Variants in GALNTL6 observed in about 807,000 individuals in gnomAD.
The protein encoded by GALNTL6 is polypeptide N-acetylgalactosaminyltransferase-like 6.
GALNTL6 carries 46 observed loss-of-function variants against 73.7 expected under a neutral mutation model. The observed-to-expected ratio is 0.62, with a 90% CI of 0.49 to 0.80. The LOEUF (loss-of-function observed/expected upper bound fraction) is 0.80. Ranked by LOEUF, GALNTL6 falls within the 30% of genes least tolerant of loss-of-function variation. The pLI is 0.00. For missense variants in GALNTL6, 604 were observed against 755.0 expected (o/e 0.80, Z 2.34); for synonymous variants, 259 against 263.7 (o/e 0.98, Z 0.17).
chr4:171,948,380 T>C (rs1470939951), intron 2 of GALNTL6, among the ~76,000 whole-genome samples: 1 of 152,202 alleles, frequency 6.6e-6, no homozygotes, highest in African/African-American at 2.4e-5. Flanking sequence ...AATTTAGATA[T>C]GCCAGTGGCT....
chr4:172,096,108 G>GTGTGTGTGTGTA (rs1732348129), intron 2 of GALNTL6, among the ~76,000 whole-genome samples: 1 of 151,072 alleles, frequency 6.6e-6, no homozygotes. Context: ...GTGTGTGTGT[G>GTGTGTGTGTGTA]TATGTGTGTT....
chr4:172,747,581 A>G (rs1737179464), intron 5 of GALNTL6, among the ~76,000 whole-genome samples: 1 of 152,156 alleles, frequency 6.6e-6, no homozygotes, highest in South Asian at 2.1e-4. Flanking sequence ...GTAAATTAGT[A>G]TAGTCATTTT....
intron 9 of GALNTL6, among the ~76,000 whole-genome samples, chr4:172,947,561 CTCTT>C (rs370286300): frequency 5.3e-4 from 76 of 144,582 alleles, no homozygotes; most frequent in African/African-American, 1.5e-3. Flanking sequence ...TCATGCTTGA[CTCTT>C]TCTTTCCCCT....
chr4:172,821,857 G>A (rs1311084705), intron 7 of GALNTL6, among the ~76,000 whole-genome samples: 1 of 152,092 alleles, frequency 6.6e-6, no homozygotes, highest in African/African-American at 2.4e-5. Flanking sequence ...AGTATAACAT[G>A]GGCAGAGATG....
intron 2 of GALNTL6, among the ~76,000 whole-genome samples, chr4:171,891,596 C>T (rs751322655): frequency 2.6e-5 from 4 of 152,066 alleles, no homozygotes; most frequent in Non-Finnish European, 5.9e-5. Context: ...CAAAGTCTTT[C>T]GACCATCAGT....
chr4:172,267,272 T>C (rs1168253442), intron 3 of GALNTL6, among the ~76,000 whole-genome samples: 1 of 152,110 alleles, frequency 6.6e-6, no homozygotes, highest in African/African-American at 2.4e-5. Flanking sequence ...AAAGGATTCT[T>C]CTAGGAAGTA....
intron 5 of GALNTL6, among the ~76,000 whole-genome samples, chr4:172,471,999 A>C (rs994856853): frequency 2.0e-5 from 3 of 152,226 alleles, no homozygotes; most frequent in African/African-American, 7.2e-5. Context: ...TCAGATAAGG[A>C]TAAAGAAATT....
intron 5 of GALNTL6, among the ~76,000 whole-genome samples, chr4:172,503,551 T>TATATATATATAC: frequency 2.1e-5 from 1 of 48,502 alleles, no homozygotes; most frequent in East Asian, 7.3e-4. Context: ...TATATATATG[T>TATATATATATAC]ATTAGTTTTT....
chr4:172,781,523 G>A (rs1739368370), intron 5 of GALNTL6, among the ~76,000 whole-genome samples: 1 of 152,018 alleles, frequency 6.6e-6, no homozygotes, highest in Non-Finnish European at 1.5e-5. Context: ...CATATTGATG[G>A]GTTGACATGT....
chr4:172,768,598 A>T (rs1738578791), intron 5 of GALNTL6, among the ~76,000 whole-genome samples: 1 of 152,222 alleles, frequency 6.6e-6, no homozygotes, highest in African/African-American at 2.4e-5. Flanking sequence ...AAAGGGTAGA[A>T]TATTTATAAA....
intron 3 of GALNTL6, among the ~76,000 whole-genome samples, chr4:172,286,177 TTGTC>T (rs2111089377): frequency 6.6e-6 from 1 of 152,328 alleles, no homozygotes; most frequent in Non-Finnish European, 1.5e-5. Flanking sequence ...TCTTGCTAGT[TTGTC>T]TGATAAAATA....
At chr4:172,221,991 T>A (rs1399844329) in intron 2 of GALNTL6, among the ~76,000 whole-genome samples, 4 of 151,872 alleles carry the variant, frequency 2.6e-5, no homozygotes, top group African/African-American at 9.7e-5. Context: ...GGTTTCTTAC[T>A]AACAGAAGCT....
chr4:172,609,566 G>A (rs1320863335), intron 5 of GALNTL6, among the ~76,000 whole-genome samples: 1 of 150,346 alleles, frequency 6.7e-6, no homozygotes, highest in Non-Finnish European at 1.5e-5. Context: ...GAGGATTTTT[G>A]CCTGGATGTT....
intron 5 of GALNTL6, among the ~76,000 whole-genome samples, chr4:172,772,253 C>T (rs1970808): frequency 0.48 from 72,564 of 151,628 alleles, 18,140 homozygotes; most frequent in African/African-American, 0.63. Flanking sequence ...CAAACCATAT[C>T]ACCATTTATG....
chr4:172,646,636 T>C (rs890097900), intron 5 of GALNTL6, among the ~76,000 whole-genome samples: 18 of 152,146 alleles, frequency 1.2e-4, no homozygotes, highest in African/African-American at 4.3e-4. Flanking sequence ...TTTACTACAT[T>C]TACACTAATC....
chr4:172,952,482 T>C (rs1007919825), intron 10 of GALNTL6, among the ~76,000 whole-genome samples: 6 of 152,162 alleles, frequency 3.9e-5, no homozygotes, highest in African/African-American at 9.6e-5. Flanking sequence ...CCACTGTTGA[T>C]TCCCCAGATG....
intron 5 of GALNTL6, among the ~76,000 whole-genome samples, chr4:172,606,479 C>CA (rs142221339): frequency 1.1e-3 from 146 of 132,880 alleles, no homozygotes; most frequent in Non-Finnish European, 1.8e-3. Flanking sequence ...ACAAAGAAAA[C>CA]AAAAAAAAAT....
intron 5 of GALNTL6, among the ~76,000 whole-genome samples, chr4:172,577,565 C>T (rs1020251097): frequency 5.3e-5 from 8 of 152,010 alleles, no homozygotes; most frequent in Non-Finnish European, 1.2e-4. Context: ...CACTGTATAC[C>T]ACCTCAGAGC....
intron 2 of GALNTL6, among the ~76,000 whole-genome samples, chr4:172,005,188 G>A (rs149051754): frequency 1.9e-4 from 29 of 151,890 alleles, no homozygotes; most frequent in South Asian, 1.2e-3. Flanking sequence ...GCAATGGCGC[G>A]ATCTTGGCTC....
Sources: allele counts gnomAD v4.1 joint callset (sites outside exome capture counted in the v4.1 genomes callset), GRCh38; gene constraint gnomAD v4.1.1; transcripts MANE v1.5; gene names NCBI Gene and HGNC (gene_info 2026-07-23, HGNC 2026-07-21).